Variants in COX10 observed in about 807,000 individuals in gnomAD.
COX10 encodes the protein cytochrome c oxidase assembly factor heme A:farnesyltransferase COX10.
Under a neutral mutation model 37.3 loss-of-function variants are expected in COX10, and 27 were observed. The ratio of observed to expected loss-of-function variants is 0.72; its 90% CI spans 0.53 to 1.00. COX10 has a LOEUF of 1.00. COX10 is among the 50% of genes least tolerant of loss of function. The pLI is 0.00. For missense variants in COX10, 475 were observed against 563.2 expected, an observed-to-expected ratio of 0.84 and a Z score of 1.59; for synonymous variants, 222 against 229.1, an observed-to-expected ratio of 0.97 and a Z score of 0.28.
chr17:14,114,185 G>T (rs1916063902), intron 4 of COX10, among the ~76,000 whole-genome samples: 1 of 151,840 alleles, frequency 6.6e-6, no homozygotes, highest in Non-Finnish European at 1.5e-5. Flanking sequence ...ATTTTTTCCT[G>T]CAACAGTTCA....
chr17:14,200,198 T>C (rs1034950270), intron 6 of COX10, among the ~76,000 whole-genome samples: 5 of 152,188 alleles, frequency 3.3e-5, no homozygotes, highest in African/African-American at 1.2e-4. Flanking sequence ...GAGCTCCAGC[T>C]TGAGGATTTT....
intron 5 of COX10, among the ~76,000 whole-genome samples, chr17:14,191,628 T>G (rs1906203210): frequency 6.6e-6 from 1 of 152,212 alleles, no homozygotes; most frequent in Non-Finnish European, 1.5e-5. Context: ...TCAGTCAGTC[T>G]TCAACCCTAG....
intron 3 of COX10, chr17:14,077,363 C>A: frequency 2.8e-6 from 1 of 355,184 alleles, no homozygotes. Flanking sequence ...TGTAAAAATG[C>A]ATAAGATAAT....
At chr17:14,141,579 G>A (rs2142226207) in intron 4 of COX10, among the ~76,000 whole-genome samples, 1 of 149,086 alleles carries the variant, frequency 6.7e-6, no homozygotes, top group Middle Eastern at 3.6e-3. Flanking sequence ...ATAAGAATTA[G>A]GAGTATTTCA....
intron 5 of COX10, among the ~76,000 whole-genome samples, chr17:14,176,424 A>G (rs1042299178): frequency 2.0e-5 from 3 of 152,286 alleles, no homozygotes; most frequent in East Asian, 1.9e-4. Context: ...ATGAAGAATA[A>G]TAGAGTAAAC....
chr17:14,187,915 C>T (rs557121399), intron 5 of COX10, among the ~76,000 whole-genome samples: 1 of 152,078 alleles, frequency 6.6e-6, no homozygotes, highest in African/African-American at 2.4e-5. Context: ...ATTTAAACAC[C>T]AAAATTGAGC....
intron 5 of COX10, among the ~76,000 whole-genome samples, chr17:14,166,785 C>CTTTTT (rs57127092): frequency 7.7e-4 from 77 of 100,236 alleles, no homozygotes; most frequent in Admixed American, 8.9e-4. Flanking sequence ...CTATTTCTTT[C>CTTTTT]TTTTTTTTTT....
chr17:14,104,395 A>AG (rs1372265639), intron 4 of COX10, among the ~76,000 whole-genome samples: 1 of 152,184 alleles, frequency 6.6e-6, no homozygotes, highest in Admixed American at 6.6e-5. Flanking sequence ...GTTTTTAAAT[A>AG]GGGTAAGCAG....
Position 14,098,878 on chromosome 17 carries a change from G to A in COX10, c.500-3240G>A, listed in dbSNP as rs141047239. On this transcript the variant is annotated intron_variant, in intron 3 of 6. Transcript: ENST00000261643. ...CCATGTGATTCTTTGCTGCTGTTAG[G>A]TACCTTGTGTGTACTTGTTGTGTTA... Among the ~76,000 whole-genome samples, 247 of 152,202 alleles carry A rather than the reference G, an allele frequency of 1.6e-3. 3 individuals are homozygous for A. The highest frequency in any genetic ancestry group is 5.7e-3 in the African/African-American group (238 of 41,528).
chr17:14,096,226 C>T (rs1228611509), intron 3 of COX10, among the ~76,000 whole-genome samples: 1 of 152,090 alleles, frequency 6.6e-6, no homozygotes, highest in Non-Finnish European at 1.5e-5. Context: ...GACCCAGTCA[C>T]CTCTTATAGG....
chr17:14,141,628 G>A (rs933461295), intron 4 of COX10, among the ~76,000 whole-genome samples: 15 of 151,692 alleles, frequency 9.9e-5, no homozygotes, highest in African/African-American at 3.6e-4. Context: ...CTGTAAACTG[G>A]ATAGGCTAAA....
intron 4 of COX10, among the ~76,000 whole-genome samples, chr17:14,143,446 A>G (rs1904609405): frequency 6.6e-6 from 1 of 152,136 alleles, no homozygotes; most frequent in Non-Finnish European, 1.5e-5. Context: ...TGTGGAGAAA[A>G]TGGGCAGTAG....
intron 4 of COX10, among the ~76,000 whole-genome samples, chr17:14,151,271 C>T (rs532946892): frequency 3.2e-4 from 48 of 152,160 alleles, no homozygotes; most frequent in African/African-American, 1.1e-3. Flanking sequence ...GTTCTGATCC[C>T]TTGGTGCTAG....
At chr17:14,145,855 TA>T (rs1211364175) in intron 4 of COX10, among the ~76,000 whole-genome samples, 1 of 152,216 alleles carries the variant, frequency 6.6e-6, no homozygotes, top group South Asian at 2.1e-4. Flanking sequence ...ATGATAGGAA[TA>T]AAAAATGGGT....
chr17:14,124,279 A>AT (rs1311733653), intron 4 of COX10, among the ~76,000 whole-genome samples: 2 of 152,112 alleles, frequency 1.3e-5, no homozygotes, highest in Admixed American at 6.6e-5. Flanking sequence ...AAATAGAGAG[A>AT]TTTTTACTTA....
chr17:14,193,151 A>G (rs1906260815), intron 6 of COX10, among the ~76,000 whole-genome samples: 1 of 152,228 alleles, frequency 6.6e-6, no homozygotes, highest in Admixed American at 6.5e-5. Flanking sequence ...ACCTAAAACC[A>G]GAGCCCCATC....
Position 14,207,043 on chromosome 17 carries a change from A to C in COX10, c.1162A>C (p.Ile388Leu), listed in dbSNP as rs778139579. The change falls in exon 7 of 7, where the codon ATC becomes CTC. Residue 388 changes from isoleucine (I) to leucine (L), a missense_variant. Physicochemically the swap from Ile to Leu is conservative, Grantham distance 5. Around this residue, in one of 5 missense-constraint regions of COX10, gnomAD observed 160 missense variants for 180.6 expected, o/e 0.89. Coordinates refer to ENST00000261643, the MANE Select transcript of COX10 (RefSeq NM_001303.4). ...GACCTTCCCCATCATGGCCCTTCCC[A>C]TCAATGCGTACATCTCCTACCTCGG... is the stretch of plus-strand genomic sequence containing the variant. ...TWTFPIMALP[I>L]NAYISYLGFR... The C allele has an allele frequency of 1.2e-5, 19 of 1,613,886 alleles. No homozygotes were observed. In the South Asian group the frequency reaches 2.1e-4, roughly 18 times the overall value.
intron 4 of COX10, among the ~76,000 whole-genome samples, chr17:14,124,900 G>C (rs1916302010): frequency 6.6e-6 from 1 of 152,112 alleles, no homozygotes; most frequent in South Asian, 2.1e-4. Flanking sequence ...AGACAAATGT[G>C]CTCCAATTTT....
chr17:14,157,955 G>A lies in COX10; in HGVS notation c.625-1922G>A, dbSNP rs117103245. Among the ~76,000 whole-genome samples the A allele has an allele frequency of 6.3e-3, 958 of 152,294 alleles. 8 individuals carry two copies. Among genetic ancestry groups the A allele is most frequent in the East Asian group, 0.017 (90 of 5,190 alleles). ...ATGCTCTCTTAATGCTGTGGGGATA[G>A]TGGTGGTTATCATTATTGGTATGTG... On this transcript the variant is annotated intron_variant, in intron 4 of 6. Coordinates refer to ENST00000261643, the MANE Select transcript of COX10 (RefSeq NM_001303.4).
Sources: gnomAD v4.1 joint callset for allele counts (sites outside exome capture counted in the v4.1 genomes callset) on GRCh38, gnomAD v4.1.1 for gene constraint, gnomAD v4.1.1 regional missense constraint, MANE v1.5 for transcripts, NCBI Gene and HGNC (gene_info 2026-07-23, HGNC 2026-07-21) for gene names.